GMEB1: variants seen among roughly 807,000 people sequenced by gnomAD.
GMEB1 encodes the protein glucocorticoid modulatory element binding protein 1.
Under a neutral mutation model 52.4 loss-of-function variants are expected in GMEB1, and 6 were observed. The observed-to-expected ratio is 0.11, with a 90% CI of 0.06 to 0.23. The LOEUF (loss-of-function observed/expected upper bound fraction) is 0.23. GMEB1 is among the 10% of genes least tolerant of loss of function. The probability of loss-of-function intolerance (pLI) is 1.00; values close to 1 mark genes in which losing one functional copy is unlikely to be tolerated. For missense variants in GMEB1, 486 were observed against 685.6 expected (o/e 0.71, Z 3.25); for synonymous variants, 255 against 244.9 (o/e 1.04, Z -0.38).
chr1:28,676,639 T>C (rs935364903), intron 1 of GMEB1, among the ~76,000 whole-genome samples: 6 of 150,776 alleles, frequency 4.0e-5, no homozygotes, highest in Non-Finnish European at 8.8e-5. Context: ...GGCAGGAGAA[T>C]GGCATGAACC....
rs1161268121 is a variant in GMEB1 at position 28,718,591 on chromosome 1, A to T, written c.*3818A>T. 1.3e-5 allele frequency: 2 copies of T among 152,192 alleles called. No homozygotes were observed. Among genetic ancestry groups the T allele is most frequent in the African/African-American group, 2.4e-5 (1 of 41,448 alleles). The allele number at this position is 152,192 out of a possible 1,614,324, so 9.4% of individuals were successfully genotyped here. ...ACTCTAGCCCAGGTAACAGGGCAAC[A>T]TCCCCAGCTCAGAAAACCAAAACTA... On this transcript the variant is annotated 3_prime_UTR_variant, in exon 10 of 10. Transcript: ENST00000373816.
chr1:28,685,928 C>A (rs1481221788), intron 2 of GMEB1, among the ~76,000 whole-genome samples: 1 of 152,056 alleles, frequency 6.6e-6, no homozygotes, highest in Admixed American at 6.6e-5. Context: ...CATTGCACTC[C>A]AGCTTAGGCG....
intron 1 of GMEB1, among the ~76,000 whole-genome samples, chr1:28,671,441 G>GC (rs1333005809): frequency 6.6e-6 from 1 of 152,104 alleles, no homozygotes; most frequent in African/African-American, 2.4e-5. Context: ...TCTGGCGGGC[G>GC]CTGTGATTTA....
At chr1:28,671,669 C>T (rs1668889003) in intron 1 of GMEB1, among the ~76,000 whole-genome samples, 1 of 151,852 alleles carries the variant, frequency 6.6e-6, no homozygotes, top group African/African-American at 2.4e-5. Context: ...GCTTGAGCTC[C>T]GGAAGTCGAG....
In GMEB1 at chr1:28,672,626, T is replaced by C. The variant is rs187298417; in HGVS notation, c.-31+3787T>C. On this transcript the variant is annotated intron_variant, in intron 1 of 9. Coordinates refer to ENST00000373816, the MANE Select transcript of GMEB1 (RefSeq NM_001319674.2). ...GTGCACAACGTGCAGGTTTGTTACA[T>C]ATGTATACATGTGCCATGTTGGTGT... is the stretch of plus-strand genomic sequence containing the variant. Among the ~76,000 whole-genome samples the C allele has an allele frequency of 2.7e-3, 407 of 152,146 alleles. 2 individuals carry two copies. The highest frequency in any genetic ancestry group is 9.5e-3 in the African/African-American group (395 of 41,536).
Position 28,691,584 on chromosome 1 carries a change from G to A in GMEB1, c.212-1G>A. The A allele has an allele frequency of 6.5e-7, 1 of 1,534,130 alleles. No homozygotes were observed. The highest frequency in any genetic ancestry group is 8.9e-7 in the Non-Finnish European group (1 of 1,128,446). On this transcript the variant is annotated splice_acceptor_variant, in intron 3 of 9. Transcript: ENST00000373816. LOFTEE classifies it high-confidence loss of function. ...ATAACTGATATTTTTTCTGTTTTCA[G>A]ATACAGGCACTATAGAAGCAAATGA... is the stretch of plus-strand genomic sequence containing the variant.
At chr1:28,702,321 C>G in intron 6 of GMEB1, 117 bp from the exon 7 acceptor site, 1 of 689,064 alleles carries the variant, frequency 1.5e-6, no homozygotes, top group East Asian at 3.0e-5. Context: ...GGACCTGCAG[C>G]CAAGAGGCTA....
chr1:28,675,958 A>G (rs973353523), intron 1 of GMEB1, among the ~76,000 whole-genome samples: 6 of 152,160 alleles, frequency 3.9e-5, no homozygotes, highest in African/African-American at 1.4e-4. Context: ...GCTTCTCTAA[A>G]GAAGGTCAGA....
chr1:28,714,816 T>C lies in GMEB1; in HGVS notation c.*43T>C. On this transcript the variant is annotated 3_prime_UTR_variant, in exon 10 of 10. Coordinates refer to ENST00000373816, the MANE Select transcript of GMEB1 (RefSeq NM_001319674.2). ...AGGAGTTATGTTTTGATTTGGAATT[T>C]TAATTATTTGTTTATTTTTATCATT... 1 of 1,329,630 alleles carries C rather than the reference T, an allele frequency of 7.5e-7. No homozygotes were observed. The allele number at this position is 1,329,630 out of a possible 1,614,324, so 82.4% of individuals were successfully genotyped here. A position where few individuals can be genotyped will look rare whatever the true frequency, so the allele number is the denominator to read the frequency against.
chr1:28,674,414 T>A (rs931901593), intron 1 of GMEB1, among the ~76,000 whole-genome samples: 12 of 152,080 alleles, frequency 7.9e-5, no homozygotes, highest in African/African-American at 1.2e-4. Flanking sequence ...TTATTTATTT[T>A]TTTGAGACGG....
At chr1:28,689,456 C>G (rs1473239488) in intron 2 of GMEB1, among the ~76,000 whole-genome samples, 1 of 152,064 alleles carries the variant, frequency 6.6e-6, no homozygotes, top group East Asian at 1.9e-4. Context: ...GAAACCCCAT[C>G]TCTACTGAAA....
At chr1:28,670,567 A>T (rs1668837940) in intron 1 of GMEB1, among the ~76,000 whole-genome samples, 1 of 152,006 alleles carries the variant, frequency 6.6e-6, no homozygotes, top group African/African-American at 2.4e-5. Flanking sequence ...ACCTCAGGTG[A>T]TCCCACATCC....
chr1:28,681,367 CA>C (rs945439224), intron 1 of GMEB1, among the ~76,000 whole-genome samples: 1 of 151,208 alleles, frequency 6.6e-6, no homozygotes, highest in South Asian at 2.1e-4. Flanking sequence ...GACCGCGTCT[CA>C]AAAAAAAGAA....
In GMEB1 at chr1:28,690,326, C is replaced by A. The variant is rs2124509088; in HGVS notation, c.211+140C>A. The stretch of plus-strand genomic sequence containing the variant: ...CCTGTGTGCCCTACCAGTACTACAG[C>A]CCTCGATTTTGATGGTGGTACATCT... On this transcript the variant is annotated intron_variant, in intron 3 of 9. Transcript: ENST00000373816. The A allele has an allele frequency of 1.0e-5, 5 of 501,878 alleles. No homozygotes were observed. In the East Asian group the frequency reaches 1.6e-4, roughly 16 times the overall value. 31.1% of individuals were successfully genotyped at this position (501,878 alleles called of 1,614,324 possible).
chr1:28,699,101 G>A (rs967333302), intron 6 of GMEB1, among the ~76,000 whole-genome samples: 3 of 152,182 alleles, frequency 2.0e-5, no homozygotes, highest in Non-Finnish European at 4.4e-5. Context: ...GTGATTGGCT[G>A]GACAGGACTC....
At chr1:28,697,939 A>C (rs908722144) in intron 6 of GMEB1, among the ~76,000 whole-genome samples, 1 of 152,052 alleles carries the variant, frequency 6.6e-6, no homozygotes, top group Non-Finnish European at 1.5e-5. Context: ...GGAGATTGAG[A>C]CCATCCTGGC....
chr1:28,701,759 T>C lies in GMEB1; in HGVS notation c.599-679T>C, dbSNP rs1363399260. ...AGTTTTTATAGAAACTGGGTTTTGC[T>C]ATGTTGCCCAGGCTGGCCTCAGACT... On this transcript the variant is annotated intron_variant, in intron 6 of 9. Coordinates refer to ENST00000373816, the MANE Select transcript of GMEB1 (RefSeq NM_001319674.2). 2.0e-5 allele frequency among the ~76,000 whole-genome samples: 3 copies of C among 151,918 alleles called. No homozygotes were observed. In the East Asian group the frequency reaches 5.8e-4, roughly 29 times the overall value.
chr1:28,676,959 CAGG>C (rs1187744557), intron 1 of GMEB1, among the ~76,000 whole-genome samples: 1 of 152,030 alleles, frequency 6.6e-6, no homozygotes, highest in Non-Finnish European at 1.5e-5. Context: ...GAGGCTGAGG[CAGG>C]AGAATCACTT....
chr1:28,709,258 G>T (rs1670935231), intron 8 of GMEB1, among the ~76,000 whole-genome samples: 1 of 152,038 alleles, frequency 6.6e-6, no homozygotes, highest in Non-Finnish European at 1.5e-5. Context: ...AGGGAGCCAA[G>T]ATTGCGCCAT....
Sources: allele counts gnomAD v4.1 joint callset (sites outside exome capture counted in the v4.1 genomes callset), GRCh38; gene constraint gnomAD v4.1.1; transcripts MANE v1.5; gene names NCBI Gene and HGNC (gene_info 2026-07-23, HGNC 2026-07-21).